Variants in FHOD3 observed in about 807,000 individuals in gnomAD.
FHOD3 encodes the protein FH1/FH2 domain-containing protein 3.
Under a neutral mutation model 173.0 loss-of-function variants are expected in FHOD3, and 90 were observed. The ratio of observed to expected loss-of-function variants is 0.52; its 90% CI spans 0.44 to 0.62. The LOEUF is 0.62. FHOD3 is among the 20% of genes least tolerant of loss of function. FHOD3 has a pLI of 0.00. For missense variants in FHOD3, 1,945 were observed against 2,034.7 expected (o/e 0.96, Z 0.85); for synonymous variants, 828 against 823.0 (o/e 1.01, Z -0.10).
chr18:36,690,335 G>A (rs2038881199), intron 16 of FHOD3, among the ~76,000 whole-genome samples: 2 of 152,130 alleles, frequency 1.3e-5, no homozygotes, highest in Admixed American at 6.6e-5. Flanking sequence ...TCTTTTCTTG[G>A]GGCTGTGGTT....
At chr18:36,575,577 T>C (rs777133263) in intron 5 of FHOD3, among the ~76,000 whole-genome samples, 2 of 152,240 alleles carry the variant, frequency 1.3e-5, no homozygotes, top group Non-Finnish European at 2.9e-5. Flanking sequence ...GCTGTTCTAC[T>C]GTTACCAGCA....
chr18:36,452,363 C>T (rs1255348383), intron 3 of FHOD3, among the ~76,000 whole-genome samples: 1 of 151,864 alleles, frequency 6.6e-6, no homozygotes, highest in African/African-American at 2.4e-5. Flanking sequence ...GAAAAGAAGC[C>T]AAAAAAATTT....
chr18:36,440,785 G>A, intron 3 of FHOD3, among the ~76,000 whole-genome samples: 1 of 152,204 alleles, frequency 6.6e-6, no homozygotes, highest in East Asian at 1.9e-4. Context: ...AAATGGCTCA[G>A]TAGTCGCATT....
chr18:36,487,158 A>G (rs1187401522), intron 3 of FHOD3, among the ~76,000 whole-genome samples: 1 of 152,176 alleles, frequency 6.6e-6, no homozygotes, highest in East Asian at 1.9e-4. Flanking sequence ...CCTTGGGGAA[A>G]GTCCTAGAAA....
intron 19 of FHOD3, among the ~76,000 whole-genome samples, chr18:36,723,244 G>T (rs1047311778): frequency 1.3e-5 from 2 of 152,190 alleles, no homozygotes; most frequent in African/African-American, 4.8e-5. Flanking sequence ...GCAAATATGA[G>T]AAATTAATAC....
At chr18:36,307,002 C>T (rs990158814) in intron 1 of FHOD3, among the ~76,000 whole-genome samples, 15 of 152,268 alleles carry the variant, frequency 9.9e-5, no homozygotes, top group Admixed American at 4.6e-4. Context: ...CTTGCTCTGT[C>T]GCCCAGGCTG....
At chr18:36,493,958 C>CA (rs1239876259) in intron 3 of FHOD3, among the ~76,000 whole-genome samples, 1 of 152,198 alleles carries the variant, frequency 6.6e-6, no homozygotes, top group Non-Finnish European at 1.5e-5. Context: ...TCTCACAGTT[C>CA]AGCGATTTTT....
intron 3 of FHOD3, among the ~76,000 whole-genome samples, chr18:36,480,749 A>G (rs181907156): frequency 2.3e-4 from 35 of 152,348 alleles, no homozygotes; most frequent in Non-Finnish European, 4.9e-4. Flanking sequence ...AGAATAGACC[A>G]ACCTCCATAT....
intron 3 of FHOD3, among the ~76,000 whole-genome samples, chr18:36,422,296 A>G (rs1483999925): frequency 6.6e-6 from 1 of 152,216 alleles, no homozygotes; most frequent in East Asian, 1.9e-4. Flanking sequence ...GGCTCTTCCT[A>G]TACTAGTAAA....
At chr18:36,708,358 C>T (rs2039994705) in intron 17 of FHOD3, among the ~76,000 whole-genome samples, 1 of 152,230 alleles carries the variant, frequency 6.6e-6, no homozygotes, top group Non-Finnish European at 1.5e-5. Context: ...AGCTGTTTTT[C>T]ATCAGCTTGA....
chr18:36,427,564 A>C (rs894226790), intron 3 of FHOD3, among the ~76,000 whole-genome samples: 8 of 152,358 alleles, frequency 5.3e-5, no homozygotes, highest in Admixed American at 2.0e-4. Context: ...GGCAAAACTG[A>C]GTTGCCTCAT....
At chr18:36,599,688 G>A (rs1037793586) in intron 7 of FHOD3, among the ~76,000 whole-genome samples, 4 of 152,314 alleles carry the variant, frequency 2.6e-5, no homozygotes, top group African/African-American at 9.6e-5. Flanking sequence ...GAAGTATTGA[G>A]CAATTGATTC....
At chr18:36,704,731 A>T (rs1019911515) in intron 17 of FHOD3, among the ~76,000 whole-genome samples, 2 of 152,084 alleles carry the variant, frequency 1.3e-5, no homozygotes, top group Non-Finnish European at 2.9e-5. Context: ...CCCTCCCCAT[A>T]GAGAGATCGT....
intron 5 of FHOD3, among the ~76,000 whole-genome samples, chr18:36,532,057 T>G (rs1264442913): frequency 6.6e-6 from 1 of 152,236 alleles, no homozygotes; most frequent in South Asian, 2.1e-4. Context: ...TCTGCACAGC[T>G]GCCTCTGGAG....
At chr18:36,408,967 G>T (rs1487916561) in intron 3 of FHOD3, among the ~76,000 whole-genome samples, 3 of 152,122 alleles carry the variant, frequency 2.0e-5, no homozygotes, top group Non-Finnish European at 2.9e-5. Flanking sequence ...TTGCGAGGAG[G>T]GGCTCACTCC....
chr18:36,350,081 C>T (rs1473335446), intron 1 of FHOD3, among the ~76,000 whole-genome samples: 2 of 152,146 alleles, frequency 1.3e-5, no homozygotes, highest in Non-Finnish European at 2.9e-5. Flanking sequence ...CCTGGCTTGC[C>T]CTTTCTTTTT....
intron 14 of FHOD3, among the ~76,000 whole-genome samples, chr18:36,675,981 A>C (rs2037831828): frequency 1.3e-5 from 2 of 152,242 alleles, no homozygotes; most frequent in African/African-American, 2.4e-5. Flanking sequence ...TTGATATACA[A>C]GTTAATTATC....
chr18:36,584,033 GC>G (rs1266332718), intron 6 of FHOD3, among the ~76,000 whole-genome samples: 1 of 152,088 alleles, frequency 6.6e-6, no homozygotes, highest in African/African-American at 2.4e-5. Flanking sequence ...TCACCATGTT[GC>G]CCAGTCTGGT....
At chr18:36,330,958 C>T (rs2044972475) in intron 1 of FHOD3, among the ~76,000 whole-genome samples, 1 of 152,156 alleles carries the variant, frequency 6.6e-6, no homozygotes, top group Non-Finnish European at 1.5e-5. Context: ...TGCCCTGCCC[C>T]TGCCTTTAGA....
Sources: allele counts gnomAD v4.1 joint callset (sites outside exome capture counted in the v4.1 genomes callset), GRCh38; gene constraint gnomAD v4.1.1; transcripts MANE v1.5; gene names NCBI Gene and HGNC (gene_info 2026-07-23, HGNC 2026-07-21).